KLHL3: variants seen among roughly 807,000 people sequenced by gnomAD.
KLHL3 encodes the protein kelch-like protein 3.
In KLHL3, 19 loss-of-function variants were observed where a neutral mutation model predicts 70.5. The ratio of observed to expected loss-of-function variants is 0.27; its 90% confidence interval spans 0.19 to 0.40. The LOEUF (loss-of-function observed/expected upper bound fraction) is 0.40. KLHL3 is among the 10% of genes least tolerant of loss of function. KLHL3 has a pLI of 1.00. For missense variants in KLHL3, 512 were observed against 771.1 expected (o/e 0.66, Z 3.98); for synonymous variants, 258 against 290.3 (o/e 0.89, Z 1.13).
At chr5:137,717,715 T>C (rs1202114319) in intron 2 of KLHL3, among the ~76,000 whole-genome samples, 1 of 152,222 alleles carries the variant, frequency 6.6e-6, no homozygotes, top group Non-Finnish European at 1.5e-5. Flanking sequence ...TTGTTGCTCA[T>C]TTGTATATTC....
At chr5:137,696,074 G>T (rs911735868) in intron 4 of KLHL3, among the ~76,000 whole-genome samples, 3 of 151,398 alleles carry the variant, frequency 2.0e-5, no homozygotes, top group African/African-American at 7.3e-5. Context: ...GCCCCGTTTT[G>T]TTTTTTTTTC....
At chr5:137,654,942 C>T (rs1465310535) in intron 8 of KLHL3, among the ~76,000 whole-genome samples, 2 of 152,114 alleles carry the variant, frequency 1.3e-5, no homozygotes, top group African/African-American at 4.8e-5. Context: ...GGCTCAGGCA[C>T]AAACTGGGCT....
chr5:137,682,466 T>G (rs1430390271), intron 5 of KLHL3, among the ~76,000 whole-genome samples: 4 of 140,392 alleles, frequency 2.8e-5, no homozygotes, highest in Non-Finnish European at 4.8e-5. Flanking sequence ...TCTAAAAACC[T>G]TTCTTTGGGG....
intron 7 of KLHL3, among the ~76,000 whole-genome samples, chr5:137,659,776 G>A (rs1186094692): frequency 6.6e-6 from 1 of 152,198 alleles, no homozygotes; most frequent in Non-Finnish European, 1.5e-5. Context: ...TGGTTGTACT[G>A]AATTTGAATG....
chr5:137,661,229 T>C (rs1490140762), intron 7 of KLHL3: 1 of 152,224 alleles, frequency 6.6e-6, no homozygotes, highest in Non-Finnish European at 1.5e-5. Context: ...CTAAGGCTAG[T>C]GACCCCGATA....
intron 5 of KLHL3, among the ~76,000 whole-genome samples, chr5:137,686,241 A>G (rs892377408): frequency 3.3e-5 from 5 of 152,194 alleles, no homozygotes; most frequent in African/African-American, 1.2e-4. Flanking sequence ...CTGCAGCAGC[A>G]GTGACCTGAG....
At position 137,639,981 on chromosome 5, in the gene KLHL3, C is replaced by T. The variant is rs1359107973; in HGVS notation, c.904-4G>A. The stretch of plus-strand genomic sequence containing the variant: ...GGCCGCCAACCACAATCATGACCTC[C>T]GGAGAGACAAGTGGACGTTAGCGGG... On this transcript the variant is annotated splice_polypyrimidine_tract_variant and splice_region_variant and intron_variant, in intron 8 of 14. Coordinates refer to ENST00000309755, the MANE Select transcript of KLHL3 (RefSeq NM_017415.3). The surrounding 1 kb of genome is among the most constrained non-coding windows in gnomAD (Gnocchi z 5.0). 5 of 1,613,452 alleles carry T rather than the reference C, an allele frequency of 3.1e-6. No individual in the cohort carries two copies. The highest frequency in any genetic ancestry group is 1.7e-5 in the Admixed American group (1 of 60,004).
chr5:137,628,209 G>A, intron 13 of KLHL3, 88 bp downstream of exon 13: 3 of 1,510,964 alleles, frequency 2.0e-6, no homozygotes, highest in Non-Finnish European at 2.7e-6. Flanking sequence ...TCCAGACCCT[G>A]GGAAATCTCC....
In KLHL3 at chr5:137,709,766, G is replaced by A; in HGVS notation, c.225C>T (p.Phe75=). Residue 75 remains phenylalanine, a synonymous_variant, in exon 3 of 15, where the codon TTC becomes TTT. Coordinates refer to ENST00000309755, the MANE Select transcript of KLHL3 (RefSeq NM_017415.3). ...TCACCATACCTGTGAACATCGCACA[G>A]AAGTAGGGGCTGCAGGCTGCCAGGA... ...RVVLAACSPY[F]CAMFTGDMSE... 1.2e-6 allele frequency: 2 copies of A among 1,613,926 alleles called. No homozygotes were observed. Among genetic ancestry groups the A allele is most frequent in the Non-Finnish European group, 8.5e-7 (1 of 1,179,828 alleles).
intron 1 of KLHL3, among the ~76,000 whole-genome samples, chr5:137,734,948 A>G (rs929589438): frequency 2.6e-5 from 4 of 152,258 alleles, no homozygotes. Flanking sequence ...GCTCAACAAA[A>G]GTACTTAAAA....
chr5:137,722,519 C>A (rs1364824090), intron 1 of KLHL3, among the ~76,000 whole-genome samples: 1 of 152,130 alleles, frequency 6.6e-6, no homozygotes, highest in Non-Finnish European at 1.5e-5. Flanking sequence ...AAGCAACCAG[C>A]AAAGATGAAA....
intron 8 of KLHL3, among the ~76,000 whole-genome samples, chr5:137,645,053 A>T (rs1323806919): frequency 1.3e-5 from 2 of 152,232 alleles, no homozygotes; most frequent in African/African-American, 4.8e-5. Context: ...ACAGAATCAA[A>T]GACAAAAACC....
chr5:137,651,837 T>C (rs1462405949), intron 8 of KLHL3, among the ~76,000 whole-genome samples: 1 of 152,198 alleles, frequency 6.6e-6, no homozygotes, highest in Non-Finnish European at 1.5e-5. Context: ...GGCAACATAG[T>C]ATTGGTGTAA....
chr5:137,724,224 T>C (rs1285789028), intron 1 of KLHL3, among the ~76,000 whole-genome samples: 1 of 152,212 alleles, frequency 6.6e-6, no homozygotes. Context: ...TAATTTGGTA[T>C]AGATCAGGAA....
At chr5:137,671,756 T>C (rs1751765074) in intron 6 of KLHL3, 1 of 152,086 alleles carries the variant, frequency 6.6e-6, no homozygotes, top group East Asian at 1.9e-4. Flanking sequence ...GCTTCCAAAA[T>C]GGGTAAAACT....
chr5:137,735,246 A>AC (rs1354140837), intron 1 of KLHL3, among the ~76,000 whole-genome samples: 1 of 151,726 alleles, frequency 6.6e-6, no homozygotes, highest in African/African-American at 2.4e-5. Flanking sequence ...GACATCAAAA[A>AC]CCCCCCACCA....
At chr5:137,629,320 C>G (rs1394529870) in intron 12 of KLHL3, 1 of 152,242 alleles carries the variant, frequency 6.6e-6, no homozygotes, top group Admixed American at 6.5e-5. Flanking sequence ...TTCTGGGCCT[C>G]AGTTTCCCTA....
In KLHL3 at chr5:137,661,942, A is replaced by T; in HGVS notation, c.726T>A (p.Pro242=). The change falls in exon 7 of 15, where the codon CCT becomes CCA. Residue 242 remains proline, a synonymous_variant. Transcript: ENST00000309755. ...GGACTAGGTAGTCCCTAGGTAAGAG[A>T]GGAAGTCGGACATGTTCCATCAGCT... The part of the protein sequence containing the change: ...MAKLMEHVRL[P]LLPRDYLVQT... 6.2e-7 allele frequency: 1 copy of T among 1,609,036 alleles called. No homozygotes were observed. The highest frequency in any genetic ancestry group is 8.5e-7 in the Non-Finnish European group (1 of 1,175,430).
intron 5 of KLHL3, among the ~76,000 whole-genome samples, chr5:137,682,403 TAG>T (rs10578622): frequency 0.19 from 25,864 of 133,288 alleles, 2,817 homozygotes; most frequent in Middle Eastern, 0.28. Flanking sequence ...GTGCTGGACA[TAG>T]AGAGAGAGAG....
Sources: gnomAD v4.1 joint callset for allele counts (sites outside exome capture counted in the v4.1 genomes callset) on GRCh38, gnomAD v4.1.1 for gene constraint, Gnocchi (gnomAD v3.1) non-coding constraint, MANE v1.5 for transcripts, NCBI Gene and HGNC (gene_info 2026-07-23, HGNC 2026-07-21) for gene names.